The following GABRB1 variants were observed in gnomAD, a reference collection of about 807,000 sequenced individuals.
The protein encoded by GABRB1 is gamma-aminobutyric acid type A receptor subunit beta1, also known as gamma-aminobutyric acid receptor subunit beta-1.
Under a neutral mutation model 51.6 loss-of-function variants are expected in GABRB1, and 17 were observed. The ratio of observed to expected loss-of-function variants is 0.33; its 90% CI spans 0.23 to 0.49. The LOEUF (loss-of-function observed/expected upper bound fraction) is 0.49. GABRB1 is among the 20% of genes least tolerant of loss of function. The probability of loss-of-function intolerance (pLI) is 0.99; values close to 1 mark genes in which losing one functional copy is unlikely to be tolerated. For synonymous variants in GABRB1, 247 were observed against 218.9 expected (o/e 1.13, Z -1.14); for missense variants, 410 against 600.6 (o/e 0.68, Z 3.32).
At chr4:47,336,751 A>G (rs778375835) in intron 5 of GABRB1, among the ~76,000 whole-genome samples, 3 of 152,198 alleles carry the variant, frequency 2.0e-5, no homozygotes, top group Non-Finnish European at 2.9e-5. Context: ...TGCTGGAGTG[A>G]AAGTCTAAAT....
At chr4:47,244,312 G>T (rs922789747) in intron 4 of GABRB1, among the ~76,000 whole-genome samples, 3 of 152,078 alleles carry the variant, frequency 2.0e-5, no homozygotes, top group Non-Finnish European at 4.4e-5. Flanking sequence ...TTTTTGCATC[G>T]ATGTTCATCA....
Position 47,378,183 on chromosome 4 carries a change from C to T in GABRB1, c.545-25135C>T, listed in dbSNP as rs186402510. Among the ~76,000 whole-genome samples, 458 of 152,344 alleles carry T rather than the reference C, an allele frequency of 3.0e-3. 5 individuals carry two copies. The highest frequency in any genetic ancestry group is 0.027 in the Admixed American group (421 of 15,310). ...CTCAGGCATGGCGGGCTGCAGGTCC[C>T]GAACCCTGCCCCGCGGGAAGGCAGC... On this transcript the variant is annotated intron_variant, in intron 5 of 8. Coordinates refer to ENST00000295454, the MANE Select transcript of GABRB1 (RefSeq NM_000812.4).
chr4:47,206,728 T>C (rs1304742754), intron 4 of GABRB1, among the ~76,000 whole-genome samples: 2 of 151,786 alleles, frequency 1.3e-5, no homozygotes, highest in Non-Finnish European at 2.9e-5. Flanking sequence ...ACAGTCTAAC[T>C]CCAAATCAAA....
At chr4:47,170,987 T>C (rs1388414890) in intron 4 of GABRB1, among the ~76,000 whole-genome samples, 3 of 152,164 alleles carry the variant, frequency 2.0e-5, no homozygotes, top group Non-Finnish European at 2.9e-5. Context: ...TTCATTTATG[T>C]ATATGGAAAA....
chr4:47,401,486 C>T (rs1728382644), intron 5 of GABRB1, among the ~76,000 whole-genome samples: 1 of 152,116 alleles, frequency 6.6e-6, no homozygotes, highest in South Asian at 2.1e-4. Flanking sequence ...TCTTTGATCT[C>T]ACTGTTCTAA....
intron 4 of GABRB1, among the ~76,000 whole-genome samples, chr4:47,277,886 A>T (rs1258943768): frequency 1.3e-5 from 2 of 152,028 alleles, no homozygotes; most frequent in African/African-American, 4.8e-5. Context: ...TGTTAACTAT[A>T]TTTTAATACA....
intron 4 of GABRB1, among the ~76,000 whole-genome samples, chr4:47,230,368 G>A (rs1244233018): frequency 1.3e-5 from 2 of 152,046 alleles, no homozygotes; most frequent in East Asian, 1.9e-4. Context: ...ACGTATTTCT[G>A]GAAAGTGATT....
At chr4:47,214,600 A>G (rs1185042746) in intron 4 of GABRB1, among the ~76,000 whole-genome samples, 5 of 152,200 alleles carry the variant, frequency 3.3e-5, no homozygotes, top group Non-Finnish European at 7.3e-5. Context: ...AATAAATACC[A>G]ATAATTTCTC....
chr4:47,285,683 T>C (rs1013770494), intron 4 of GABRB1, among the ~76,000 whole-genome samples: 1 of 152,218 alleles, frequency 6.6e-6, no homozygotes, highest in Non-Finnish European at 1.5e-5. Context: ...CTATGTGACA[T>C]TGGCCAGTTT....
At chr4:47,101,641 A>G (rs935691352) in intron 3 of GABRB1, among the ~76,000 whole-genome samples, 1 of 152,036 alleles carries the variant, frequency 6.6e-6, no homozygotes, top group Admixed American at 6.6e-5. Flanking sequence ...GCTGACTCCC[A>G]TCCTGTGATG....
chr4:47,416,532 C>T (rs1386714353), intron 8 of GABRB1, among the ~76,000 whole-genome samples: 8 of 151,210 alleles, frequency 5.3e-5, no homozygotes, highest in Admixed American at 5.3e-4. Context: ...CTCACTGCAA[C>T]CTCTGCCTCC....
intron 3 of GABRB1, among the ~76,000 whole-genome samples, chr4:47,114,748 A>G (rs1456676572): frequency 1.3e-5 from 2 of 152,156 alleles, no homozygotes; most frequent in Non-Finnish European, 2.9e-5. Flanking sequence ...CTAGCTACAT[A>G]ATTTACAAGG....
intron 4 of GABRB1, among the ~76,000 whole-genome samples, chr4:47,185,377 C>A (rs1010961317): frequency 6.6e-6 from 1 of 151,754 alleles, no homozygotes. Context: ...CTGATAGGAC[C>A]CAAGACTACT....
intron 4 of GABRB1, among the ~76,000 whole-genome samples, chr4:47,317,801 A>G (rs1056161238): frequency 6.6e-6 from 1 of 151,778 alleles, no homozygotes; most frequent in African/African-American, 2.4e-5. Context: ...TTTAGCGCAA[A>G]TGACCAAAGC....
chr4:47,028,787 GTATATGTGTA>G (rs1327086700), upstream of GABRB1, among the ~76,000 whole-genome samples: 81 of 144,254 alleles, frequency 5.6e-4, no homozygotes, highest in African/African-American at 1.3e-3. Flanking sequence ...CCATATATAT[GTATATGTGTA>G]TATATGTGTA....
intron 4 of GABRB1, among the ~76,000 whole-genome samples, chr4:47,207,809 G>A (rs1296705667): frequency 7.6e-6 from 1 of 130,900 alleles, no homozygotes; most frequent in Non-Finnish European, 1.7e-5. Flanking sequence ...ACTAATTTCA[G>A]TACAAAGGTA....
intron 5 of GABRB1, among the ~76,000 whole-genome samples, chr4:47,379,633 A>AT (rs1389025354): frequency 1.3e-5 from 2 of 152,214 alleles, no homozygotes; most frequent in Admixed American, 1.3e-4. Flanking sequence ...ATAGCTAAAC[A>AT]TGCTGTACTG....
chr4:47,188,493 T>G (rs1719286320), intron 4 of GABRB1, among the ~76,000 whole-genome samples: 1 of 151,968 alleles, frequency 6.6e-6, no homozygotes, highest in Non-Finnish European at 1.5e-5. Flanking sequence ...ATGTTGTGTT[T>G]GTTAGACTGC....
intron 1 of GABRB1, among the ~76,000 whole-genome samples, chr4:47,026,056 C>T (rs545368970): frequency 2.6e-5 from 4 of 151,876 alleles, no homozygotes; most frequent in Admixed American, 6.6e-5. Context: ...TTTTGCTGGC[C>T]GCAATGGCAG....
Sources: gnomAD v4.1 joint callset for allele counts (sites outside exome capture counted in the v4.1 genomes callset) on GRCh38, gnomAD v4.1.1 for gene constraint, MANE v1.5 for transcripts, NCBI Gene and HGNC (gene_info 2026-07-23, HGNC 2026-07-21) for gene names.